The following MYO10 variants were observed in gnomAD, a reference collection of about 807,000 sequenced individuals.
The protein encoded by MYO10 is unconventional myosin-X.
MYO10 carries 133 observed loss-of-function variants against 257.3 expected under a neutral mutation model. The observed-to-expected ratio is 0.52, with a 90% CI of 0.45 to 0.60. The LOEUF is 0.60. Among genes scored for constraint, MYO10 ranks in the 20% least tolerant of loss-of-function variants. The probability of loss-of-function intolerance (pLI) is 0.00; values close to 1 mark genes in which losing one functional copy is unlikely to be tolerated. For missense variants in MYO10, 2,399 were observed against 2,635.7 expected, an observed-to-expected ratio of 0.91 and a Z score of 1.97; for synonymous variants, 1,104 against 1,028.6, an observed-to-expected ratio of 1.07 and a Z score of -1.40.
chr5:16,725,076 TTC>T (rs1410134804), intron 19 of MYO10, among the ~76,000 whole-genome samples: 15 of 129,944 alleles, frequency 1.2e-4, no homozygotes, highest in East Asian at 2.2e-4. Flanking sequence ...CACCTTCTTC[TTC>T]TTTTTTTTTT....
chr5:16,742,563 TA>T (rs1740052447), intron 19 of MYO10, among the ~76,000 whole-genome samples: 3 of 152,154 alleles, frequency 2.0e-5, no homozygotes, highest in Admixed American at 6.5e-5. Context: ...CTCACGCCTA[TA>T]ATCCCAGCAC....
At chr5:16,931,932 C>T (rs773945208) in intron 1 of MYO10, among the ~76,000 whole-genome samples, 15 of 152,054 alleles carry the variant, frequency 9.9e-5, no homozygotes, top group Non-Finnish European at 2.2e-4. Flanking sequence ...AATATACAAC[C>T]AAATGGGGAG....
In MYO10 at chr5:16,694,393, T is replaced by C. The variant is rs1737639150; in HGVS notation, c.3778A>G (p.Thr1260Ala). ...TACTTTGCCGTTCGCACTTCTACGG[T>C]GCCCTTGAGCTTCTCCTCGCTGTCG... ...ENDSEEKLKG[T>A]VEVRTAKEII... is the part of the protein sequence containing the mutation. The change falls in exon 27 of 41, where the codon ACC becomes GCC. Residue 1260 changes from threonine (T) to alanine (A), a missense_variant. This residue lies in a region of MYO10 where 1,820 missense variants were observed against 1,939.4 expected (regional missense o/e 0.94). Transcript: ENST00000513610. 5.0e-6 allele frequency: 8 copies of C among 1,613,920 alleles called. No individual in the cohort carries two copies. Among genetic ancestry groups the C allele is most frequent in the Admixed American group, 1.7e-5 (1 of 60,010 alleles).
Position 16,711,251 on chromosome 5 carries a change from C to T in MYO10, c.1930-6G>A. The T allele has an allele frequency of 2.0e-6, 3 of 1,511,662 alleles. No homozygotes were observed. The highest frequency in any genetic ancestry group is 2.7e-6 in the Non-Finnish European group (3 of 1,131,174). 93.6% of individuals were successfully genotyped at this position (1,511,662 alleles called of 1,614,324 possible). A position where few individuals can be genotyped will look rare whatever the true frequency, so the allele number is the denominator to read the frequency against. On this transcript the variant is annotated splice_region_variant and splice_polypyrimidine_tract_variant and intron_variant, in intron 19 of 40. Transcript: ENST00000513610. ...TGGTCAAACTGGTCTGGCATCTAAA[C>T]CATGCAAAAAAAAAAGATGGGATAC...
chr5:16,701,635 C>T lies in MYO10; in HGVS notation c.2760G>A (p.Gln920=). Residue 920 remains glutamine (Q), a synonymous_variant, in exon 25 of 41, where the codon CAG becomes CAA. Coordinates refer to ENST00000513610, the MANE Select transcript of MYO10 (RefSeq NM_012334.3). This position sits in a 1 kb window ranked among gnomAD's most constrained non-coding sequence, Gnocchi z 8.1. ...TGCGGAGCTCCTGGTCCCGCCGCTC[C>T]TGCAGCTTCTGCAGGGAAGCCTCGG... ...SLTEASLQKL[Q]ERRDQELRRL... 1 of 1,613,774 alleles carries T rather than the reference C, an allele frequency of 6.2e-7. No homozygotes were observed. Among genetic ancestry groups the T allele is most frequent in the Non-Finnish European group, 8.5e-7 (1 of 1,179,812 alleles).
At chr5:16,824,944 A>T (rs971695794) in intron 2 of MYO10, among the ~76,000 whole-genome samples, 2 of 152,204 alleles carry the variant, frequency 1.3e-5, no homozygotes, top group African/African-American at 2.4e-5. Context: ...GAGGTAAATC[A>T]AAATCAGCAT....
At chr5:16,673,213 G>A (rs1736554072) in intron 36 of MYO10, among the ~76,000 whole-genome samples, 1 of 149,388 alleles carries the variant, frequency 6.7e-6, no homozygotes, top group African/African-American at 2.5e-5. Context: ...TCCATAAGAA[G>A]CCTTGGGGGG....
chr5:16,856,021 T>G (rs60166251), intron 2 of MYO10, among the ~76,000 whole-genome samples: 8,292 of 152,272 alleles, frequency 0.054, 259 homozygotes, highest in South Asian at 0.11. Context: ...ACGAAGCAAC[T>G]GCATTTGAAA....
chr5:16,883,030 C>A (rs1303318853), intron 1 of MYO10, among the ~76,000 whole-genome samples: 1 of 151,946 alleles, frequency 6.6e-6, no homozygotes, highest in Non-Finnish European at 1.5e-5. Flanking sequence ...ATTCTCCTGC[C>A]TCAGCCTCCT....
intron 19 of MYO10, among the ~76,000 whole-genome samples, chr5:16,723,432 A>G (rs1018151480): frequency 6.6e-6 from 1 of 152,178 alleles, no homozygotes; most frequent in African/African-American, 2.4e-5. Context: ...GTACCACTAC[A>G]TACTTATTAG....
intron 2 of MYO10, among the ~76,000 whole-genome samples, chr5:16,860,012 T>C (rs1312759504): frequency 1.3e-5 from 2 of 152,202 alleles, no homozygotes; most frequent in Non-Finnish European, 2.9e-5. Flanking sequence ...CCACCATGTA[T>C]GTAGCTCAAT....
chr5:16,807,431 C>T (rs1742308744), intron 3 of MYO10, among the ~76,000 whole-genome samples: 1 of 152,190 alleles, frequency 6.6e-6, no homozygotes. Flanking sequence ...GTATCTCACA[C>T]AGTAACCCCT....
At chr5:16,823,467 G>GGTTTTTTTTTTTTTTTTT (rs1561003861) in intron 2 of MYO10, among the ~76,000 whole-genome samples, 1 of 3,978 alleles carries the variant, frequency 2.5e-4, no homozygotes, top group Non-Finnish European at 5.8e-4. Context: ...GGGGAGTGGG[G>GGTTTTTTTTTTTTTTTTT]ATTTTTTTTT....
chr5:16,845,194 C>T (rs1743599097), intron 2 of MYO10, among the ~76,000 whole-genome samples: 1 of 152,062 alleles, frequency 6.6e-6, no homozygotes, highest in African/African-American at 2.4e-5. Context: ...TGAAAGGTAA[C>T]AGATCCTTAC....
At chr5:16,885,736 G>C (rs542179644) in intron 1 of MYO10, among the ~76,000 whole-genome samples, 3 of 152,134 alleles carry the variant, frequency 2.0e-5, no homozygotes, top group Admixed American at 2.0e-4. Context: ...GGTATAAAAT[G>C]AGTATGACAA....
chr5:16,671,370 G>A (rs1257926661), intron 38 of MYO10, 52 bp downstream of exon 38: 2 of 1,601,748 alleles, frequency 1.2e-6, no homozygotes, highest in Non-Finnish European at 8.5e-7. Context: ...GTATTAACAG[G>A]TTTCACCCTT....
intron 19 of MYO10, among the ~76,000 whole-genome samples, chr5:16,713,781 A>T (rs1240969392): frequency 6.6e-6 from 1 of 152,226 alleles, no homozygotes; most frequent in Non-Finnish European, 1.5e-5. Context: ...TTCAAAGATG[A>T]CACAGCTGGA....
chr5:16,771,936 CAT>C (rs1741063216), intron 9 of MYO10, among the ~76,000 whole-genome samples: 1 of 151,406 alleles, frequency 6.6e-6, no homozygotes, highest in Non-Finnish European at 1.5e-5. Context: ...TTTATAAAGA[CAT>C]AAAAAAGAAA....
At chr5:16,716,837 T>C (rs1023842527) in intron 19 of MYO10, among the ~76,000 whole-genome samples, 1 of 152,042 alleles carries the variant, frequency 6.6e-6, no homozygotes, top group Non-Finnish European at 1.5e-5. Flanking sequence ...ACCGGTTATT[T>C]TTTTTATTTT....
Sources: gnomAD v4.1 joint callset for allele counts (sites outside exome capture counted in the v4.1 genomes callset) on GRCh38, gnomAD v4.1.1 for gene constraint, gnomAD v4.1.1 regional missense constraint, Gnocchi (gnomAD v3.1) non-coding constraint, MANE v1.5 for transcripts, NCBI Gene and HGNC (gene_info 2026-07-23, HGNC 2026-07-21) for gene names.